The following NEDD9 variants were observed in gnomAD, a reference collection of about 807,000 sequenced individuals.
NEDD9 encodes enhancer of filamentation 1.
NEDD9 carries 26 observed loss-of-function variants against 76.6 expected under a neutral mutation model. That is an observed-to-expected ratio of 0.34 (90% CI 0.25 to 0.47). The LOEUF is 0.47. Among genes scored for constraint, NEDD9 ranks in the 20% least tolerant of loss-of-function variants. The pLI is 1.00. For missense variants in NEDD9, 937 were observed against 1,058.5 expected (o/e 0.89, Z 1.59); for synonymous variants, 392 against 414.2 (o/e 0.95, Z 0.65).
chr6:11,195,980 G>C (rs1758281106), intron 2 of NEDD9, among the ~76,000 whole-genome samples: 1 of 151,648 alleles, frequency 6.6e-6, no homozygotes, highest in Non-Finnish European at 1.5e-5. Context: ...GGCAAAAAGA[G>C]TGAAACTCCG....
chr6:11,346,486 C>A (rs115430203), intron 1 of NEDD9, among the ~76,000 whole-genome samples: 11 of 151,424 alleles, frequency 7.3e-5, no homozygotes, highest in African/African-American at 1.2e-4. Context: ...GGCCCCCCCC[C>A]CCGAGGTGAG....
At chr6:11,298,897 C>G (rs1760967166) in intron 3 of NEDD9, among the ~76,000 whole-genome samples, 1 of 152,122 alleles carries the variant, frequency 6.6e-6, no homozygotes, top group South Asian at 2.1e-4. Context: ...AGGAACAGCT[C>G]CAGTCTGCAG....
Position 11,191,076 on chromosome 6 carries a change from G to A in NEDD9, c.793C>T (p.Pro265Ser). Residue 265 changes from proline to serine, a missense_variant, in exon 5 of 7, where the codon CCA becomes TCA. By Grantham distance (74) the Pro-to-Ser change is moderately conservative. Transcript: ENST00000379446. ...TTCCCTGCTGGCTTGGTGCAGGTTG[G>A]AGGAATGTCATAAACCCCCTCCGGT... ...LRPEGVYDIP[P>S]TCTKPAGKDL... 1 of 1,614,012 alleles carries A rather than the reference G, an allele frequency of 6.2e-7. No individual in the cohort carries two copies. The highest frequency in any genetic ancestry group is 8.5e-7 in the Non-Finnish European group (1 of 1,180,020).
upstream of NEDD9, among the ~76,000 whole-genome samples, chr6:11,234,751 T>A (rs1346117535): frequency 6.6e-6 from 1 of 151,896 alleles, no homozygotes; most frequent in Non-Finnish European, 1.5e-5. Context: ...GTTTCATTCT[T>A]GTTGCCCAGG....
intron 2 of NEDD9, among the ~76,000 whole-genome samples, chr6:11,319,142 G>C (rs1472488497): frequency 2.0e-5 from 3 of 152,236 alleles, no homozygotes; most frequent in African/African-American, 7.2e-5. Context: ...GGCTTGAAAA[G>C]ATTCCCCTGG....
At chr6:11,288,949 T>A (rs1760706941) in intron 3 of NEDD9, among the ~76,000 whole-genome samples, 1 of 152,256 alleles carries the variant, frequency 6.6e-6, no homozygotes, top group African/African-American at 2.4e-5. Context: ...AGTGTGTATG[T>A]ATTGAATGTA....
At chr6:11,243,705 C>A (rs145735941) in intron 3 of NEDD9, among the ~76,000 whole-genome samples, 2 of 152,154 alleles carry the variant, frequency 1.3e-5, no homozygotes, top group Non-Finnish European at 2.9e-5. Flanking sequence ...TTTTCAGGAG[C>A]CTTTCTTCAA....
intron 3 of NEDD9, among the ~76,000 whole-genome samples, chr6:11,305,582 A>G (rs1761162702): frequency 6.6e-6 from 1 of 152,326 alleles, no homozygotes; most frequent in Admixed American, 6.5e-5. Context: ...GGCCGAATGG[A>G]AGTTGAATGG....
intron 3 of NEDD9, among the ~76,000 whole-genome samples, chr6:11,276,727 T>C (rs1247014544): frequency 6.6e-6 from 1 of 152,188 alleles, no homozygotes; most frequent in Non-Finnish European, 1.5e-5. Context: ...ACAGGATTGG[T>C]TCCACCTTCT....
At chr6:11,200,178 C>A in intron 2 of NEDD9, 3 of 378,118 alleles carry the variant, frequency 7.9e-6, no homozygotes, top group South Asian at 2.0e-5. Flanking sequence ...GACTATAGGG[C>A]TCACCAAGGC....
Position 11,213,497 on chromosome 6 carries a change from C to T in NEDD9, c.243G>A (p.Leu81=). 1 of 1,614,214 alleles carries T rather than the reference C, an allele frequency of 6.2e-7. No homozygotes were observed. Among genetic ancestry groups the T allele is most frequent in the Non-Finnish European group, 8.5e-7 (1 of 1,180,042 alleles). Residue 81 remains leucine (L), a synonymous_variant, in exon 2 of 7, where the codon CTG becomes CTA. Coordinates refer to ENST00000379446, the MANE Select transcript of NEDD9 (RefSeq NM_006403.4). This position sits in a 1 kb window ranked among gnomAD's most constrained non-coding sequence, Gnocchi z 5.4. ...ASSHEQPASG[L]MQQTFGQQKL... is the part of the protein sequence containing the mutation. ...TCTGTTGGCCAAAGGTCTGCTGCAT[C>T]AGTCCAGAGGCAGGCTGCTCGTGAC...
At chr6:11,366,993 A>C (rs1229924337) in intron 1 of NEDD9, among the ~76,000 whole-genome samples, 1 of 152,252 alleles carries the variant, frequency 6.6e-6, no homozygotes, top group African/African-American at 2.4e-5. Context: ...CCAAGATTGA[A>C]GAGATAAATC....
intron 3 of NEDD9, among the ~76,000 whole-genome samples, chr6:11,286,343 T>TA (rs1270868847): frequency 6.6e-6 from 1 of 152,164 alleles, no homozygotes; most frequent in East Asian, 1.9e-4. Context: ...AATCTGACCA[T>TA]AAAATGTGTT....
chr6:11,281,975 G>GTGA (rs1581997097), intron 3 of NEDD9, among the ~76,000 whole-genome samples: 1 of 152,102 alleles, frequency 6.6e-6, no homozygotes, highest in African/African-American at 2.4e-5. Context: ...CTGGCCTCAA[G>GTGA]TGATCCACCT....
At chr6:11,310,615 T>G (rs1453770116) in intron 2 of NEDD9, among the ~76,000 whole-genome samples, 1 of 152,184 alleles carries the variant, frequency 6.6e-6, no homozygotes, top group East Asian at 1.9e-4. Flanking sequence ...CTCCTATTTT[T>G]CTAATTAAAA....
chr6:11,204,590 C>T (rs190617220), intron 2 of NEDD9, among the ~76,000 whole-genome samples: 3 of 151,832 alleles, frequency 2.0e-5, no homozygotes, highest in East Asian at 1.9e-4. Flanking sequence ...CATGGTAGTG[C>T]GCACCCATAG....
rs534245636 is a variant in NEDD9 at position 11,258,535 on chromosome 6, C to T, written c.13-44808G>A. On this transcript the variant is annotated intron_variant, in intron 3 of 3. Transcript: ENST00000397378. ...AGAAGCCTTTTTTTTTTCTATTTGG[C>T]CTTCTTTGGAAGCCAATTTATCGTC... 7.9e-5 allele frequency: 12 copies of T among 151,696 alleles called. 1 individual carries two copies. The highest frequency in any genetic ancestry group is 1.8e-4 in the Non-Finnish European group (12 of 67,900). 9.4% of individuals were successfully genotyped at this position (151,696 alleles called of 1,614,324 possible).
At chr6:11,242,693 C>G (rs566834355) in intron 3 of NEDD9, among the ~76,000 whole-genome samples, 2 of 152,240 alleles carry the variant, frequency 1.3e-5, no homozygotes, top group East Asian at 3.9e-4. Context: ...CATCCCCTCT[C>G]TGATGTGCCC....
At chr6:11,221,061 G>A (rs983292390) in intron 1 of NEDD9, among the ~76,000 whole-genome samples, 1 of 152,138 alleles carries the variant, frequency 6.6e-6, no homozygotes, top group Non-Finnish European at 1.5e-5. Context: ...TGGTCTTTGG[G>A]TTTACCGAAG....
Sources: gnomAD v4.1 joint callset for allele counts (sites outside exome capture counted in the v4.1 genomes callset) on GRCh38, gnomAD v4.1.1 for gene constraint, Gnocchi (gnomAD v3.1) non-coding constraint, MANE v1.5 for transcripts, NCBI Gene and HGNC (gene_info 2026-07-23, HGNC 2026-07-21) for gene names.